Variants in GHR observed in about 807,000 individuals in gnomAD.
The protein encoded by GHR is GH receptor.
Under a neutral mutation model 67.1 loss-of-function variants are expected in GHR, and 35 were observed. The observed-to-expected ratio is 0.52, with a 90% CI of 0.40 to 0.69. GHR has a LOEUF of 0.69. Among genes scored for constraint, GHR ranks in the 30% least tolerant of loss-of-function variants. The pLI is 0.00. For synonymous variants in GHR, 272 were observed against 269.1 expected (o/e 1.01, Z -0.10); for missense variants, 792 against 764.6 (o/e 1.04, Z -0.42).
At chr5:42,648,163 A>G (rs1403074356) in intron 3 of GHR, among the ~76,000 whole-genome samples, 2 of 152,174 alleles carry the variant, frequency 1.3e-5, no homozygotes, top group Non-Finnish European at 2.9e-5. Context: ...TTTATTTCCA[A>G]CACAGGAATT....
At chr5:42,467,700 C>T (rs2112080701) in intron 1 of GHR, 1 of 1,578,036 alleles carries the variant, frequency 6.3e-7, no homozygotes, top group East Asian at 2.2e-5. Context: ...TGAAGGCCTT[C>T]CCACACTCAT....
intron 1 of GHR, among the ~76,000 whole-genome samples, chr5:42,552,345 C>T (rs372392140): frequency 6.6e-6 from 1 of 152,060 alleles, no homozygotes; most frequent in East Asian, 1.9e-4. Context: ...TTTCTTCTAC[C>T]CTAGTCTGTT....
At chr5:42,575,027 GGGTGCA>G (rs1377626258) in intron 2 of GHR, among the ~76,000 whole-genome samples, 3 of 144,310 alleles carry the variant, frequency 2.1e-5, no homozygotes, top group Non-Finnish European at 4.5e-5. Flanking sequence ...ATCTGCCTAA[GGGTGCA>G]TCAAATTCCT....
At chr5:42,680,280 G>A (rs1756793168) in intron 3 of GHR, among the ~76,000 whole-genome samples, 1 of 152,268 alleles carries the variant, frequency 6.6e-6, no homozygotes, top group East Asian at 1.9e-4. Flanking sequence ...TTTGGCTTAT[G>A]TTCAATAATA....
Position 42,694,923 on chromosome 5 carries a change from T to A in GHR, c.273T>A (p.Thr91=), listed in dbSNP as rs138491809. Residue 91 remains threonine (T), a synonymous_variant, in exon 5 of 10, where the codon ACT becomes ACA. Coordinates refer to ENST00000230882, the MANE Select transcript of GHR (RefSeq NM_000163.5). ...TTTTAACCCTTCATTTTAGGAACAC[T>A]CAAGAATGGACTCAAGAATGGAAAG... ...PIQLFYTRRN[T]QEWTQEWKEC... is the part of the protein sequence containing the mutation. The A allele has an allele frequency of 8.9e-4, 1,438 of 1,608,322 alleles. 1 individual carries two copies. Among genetic ancestry groups the A allele is most frequent in the Admixed American group, 1.2e-3 (73 of 59,678 alleles).
intron 2 of GHR, among the ~76,000 whole-genome samples, chr5:42,599,765 C>CT (rs747671007): frequency 3.3e-5 from 5 of 151,396 alleles, no homozygotes; most frequent in African/African-American, 7.3e-5. Context: ...TGTCCAGCTT[C>CT]TTTTTTTTTA....
At chr5:42,637,897 C>T (rs1290481511) in intron 3 of GHR, among the ~76,000 whole-genome samples, 5 of 152,136 alleles carry the variant, frequency 3.3e-5, no homozygotes, top group African/African-American at 9.7e-5. Context: ...TCCACAGTGG[C>T]TGAACTAATT....
At chr5:42,598,650 C>T (rs1317607942) in intron 2 of GHR, among the ~76,000 whole-genome samples, 1 of 152,238 alleles carries the variant, frequency 6.6e-6, no homozygotes, top group African/African-American at 2.4e-5. Flanking sequence ...ACCTAAGTTA[C>T]TGCCCACTGC....
intron 2 of GHR, among the ~76,000 whole-genome samples, chr5:42,617,114 T>A (rs1293711909): frequency 6.6e-6 from 1 of 151,944 alleles, no homozygotes; most frequent in Non-Finnish European, 1.5e-5. Context: ...CATGTAGGTT[T>A]TTAATTCTTT....
At chr5:42,507,609 G>A (rs1014760907) in intron 1 of GHR, among the ~76,000 whole-genome samples, 1 of 152,224 alleles carries the variant, frequency 6.6e-6, no homozygotes, top group Admixed American at 6.5e-5. Context: ...AAGGGGAAAT[G>A]TACAGAAGTA....
chr5:42,537,423 C>G (rs1748306109), intron 1 of GHR, among the ~76,000 whole-genome samples: 1 of 152,132 alleles, frequency 6.6e-6, no homozygotes, highest in Non-Finnish European at 1.5e-5. Flanking sequence ...ACCCAATACT[C>G]ATTCAGGAGT....
chr5:42,606,504 A>G (rs1443001321), intron 2 of GHR, among the ~76,000 whole-genome samples: 1 of 152,062 alleles, frequency 6.6e-6, no homozygotes, highest in East Asian at 1.9e-4. Flanking sequence ...TGAGGCAAGA[A>G]AGAAAGAGGA....
intron 1 of GHR, among the ~76,000 whole-genome samples, chr5:42,563,735 G>A (rs532479819): frequency 7.7e-4 from 117 of 152,092 alleles, no homozygotes; most frequent in African/African-American, 2.7e-3. Context: ...TTAAACCTGG[G>A]AGGCGGAAGT....
At chr5:42,616,575 T>G (rs544367896) in intron 2 of GHR, among the ~76,000 whole-genome samples, 1 of 151,996 alleles carries the variant, frequency 6.6e-6, no homozygotes, top group South Asian at 2.1e-4. Context: ...GAGTAGAGTC[T>G]GAAGTTCAAT....
chr5:42,707,475 T>A (rs1297961483), intron 6 of GHR, among the ~76,000 whole-genome samples: 1 of 152,012 alleles, frequency 6.6e-6, no homozygotes, highest in East Asian at 1.9e-4. Flanking sequence ...TACAATTGTT[T>A]TTTCTAATTC....
intron 2 of GHR, among the ~76,000 whole-genome samples, chr5:42,626,149 G>A (rs1301303529): frequency 2.0e-5 from 3 of 152,136 alleles, no homozygotes; most frequent in African/African-American, 7.2e-5. Context: ...TCTTCAGTGG[G>A]ACACCAACTG....
intron 3 of GHR, among the ~76,000 whole-genome samples, chr5:42,634,672 AT>A (rs933744042): frequency 3.3e-5 from 5 of 152,168 alleles, no homozygotes; most frequent in African/African-American, 1.2e-4. Flanking sequence ...GAGGAGGAGA[AT>A]TTTATCTTGT....
chr5:42,555,129 C>T (rs1243197841), intron 1 of GHR, among the ~76,000 whole-genome samples: 4 of 152,250 alleles, frequency 2.6e-5, no homozygotes, highest in African/African-American at 9.6e-5. Flanking sequence ...AAATAGACTT[C>T]TATTTTTACA....
At chr5:42,694,833 A>G (rs1359835674) in intron 4 of GHR, 84 bp from the exon 5 acceptor site, 2 of 998,000 alleles carry the variant, frequency 2.0e-6, no homozygotes, top group Non-Finnish European at 3.2e-6. Flanking sequence ...AATTTATTGA[A>G]TCAGACTATC....
Sources: allele counts gnomAD v4.1 joint callset (sites outside exome capture counted in the v4.1 genomes callset), GRCh38; gene constraint gnomAD v4.1.1; transcripts MANE v1.5; gene names NCBI Gene and HGNC (gene_info 2026-07-23, HGNC 2026-07-21).